The following UBE4B variants were observed in gnomAD, a reference collection of about 807,000 sequenced individuals.
UBE4B encodes ubiquitination factor E4B, also known as ubiquitin conjugation factor E4 B.
Under a neutral mutation model 148.1 loss-of-function variants are expected in UBE4B, and 27 were observed. The ratio of observed to expected loss-of-function variants is 0.18; its 90% CI spans 0.13 to 0.25. The LOEUF (loss-of-function observed/expected upper bound fraction) is 0.25, where lower values mean the gene tolerates loss of function less well. Ranked by LOEUF, UBE4B falls within the 10% of genes least tolerant of loss-of-function variation. The pLI, the probability that UBE4B is intolerant of heterozygous loss-of-function variation, is 1.00. For synonymous variants in UBE4B, 596 were observed against 619.3 expected (o/e 0.96, Z 0.56); for missense variants, 1,170 against 1,662.4 (o/e 0.70, Z 5.15).
chr1:10,118,504 A>T (rs559970027), intron 8 of UBE4B, among the ~76,000 whole-genome samples: 1 of 142,666 alleles, frequency 7.0e-6, no homozygotes, highest in South Asian at 2.2e-4. Context: ...CACCCAGCTA[A>T]TTTTTTTTTT....
At chr1:10,055,484 T>A (rs764104919) in intron 1 of UBE4B, among the ~76,000 whole-genome samples, 104 of 152,230 alleles carry the variant, frequency 6.8e-4, no homozygotes, top group African/African-American at 1.7e-3. Context: ...CCAGCTAATT[T>A]AAAAAATTTT....
At chr1:10,131,298 G>A (rs1645589102) in intron 14 of UBE4B, among the ~76,000 whole-genome samples, 1 of 152,014 alleles carries the variant, frequency 6.6e-6, no homozygotes, top group African/African-American at 2.4e-5. Flanking sequence ...CCAACATGAC[G>A]AAACCCCGTC....
intron 17 of UBE4B, among the ~76,000 whole-genome samples, chr1:10,138,134 G>A (rs1645724406): frequency 6.8e-6 from 1 of 147,256 alleles, no homozygotes; most frequent in Non-Finnish European, 1.5e-5. Context: ...GTCTCACTCT[G>A]TAGTCCAGGC....
chr1:10,159,542 G>A (rs757698933), intron 22 of UBE4B, among the ~76,000 whole-genome samples: 3 of 152,148 alleles, frequency 2.0e-5, no homozygotes, highest in Non-Finnish European at 4.4e-5. Context: ...GCATGGTGGT[G>A]GGCGCGGTGG....
At chr1:10,121,802 A>G (rs774596563) in intron 9 of UBE4B, among the ~76,000 whole-genome samples, 160 bp from the exon 10 acceptor site, 28 of 152,162 alleles carry the variant, frequency 1.8e-4, no homozygotes, top group Admixed American at 1.4e-3. Context: ...AGTGATTACT[A>G]TTGGTAAGAA....
At chr1:10,117,059 G>T (rs1006754260) in intron 7 of UBE4B, among the ~76,000 whole-genome samples, 2 of 152,188 alleles carry the variant, frequency 1.3e-5, no homozygotes, top group Admixed American at 1.3e-4. Context: ...TATTTTGTCA[G>T]TCCCTTATAA....
chr1:10,161,817 G>A lies in UBE4B; in HGVS notation c.3198+531G>A, dbSNP rs577687245. ...GCCAGTACCAGTGCTCTTTCCTGAC[G>A]TGCGTAGCAGCCACTGAGATACTTC... is the stretch of plus-strand genomic sequence containing the variant. On this transcript the variant is annotated intron_variant, in intron 23 of 27. Coordinates refer to ENST00000343090, the MANE Select transcript of UBE4B (RefSeq NM_001105562.3). The surrounding 1 kb of genome is among the most constrained non-coding windows in gnomAD (Gnocchi z 4.1). Among the ~76,000 whole-genome samples the A allele has an allele frequency of 2.6e-5, 4 of 152,218 alleles. No homozygotes were observed. The highest frequency in any genetic ancestry group is 5.9e-5 in the Non-Finnish European group (4 of 68,010).
At chr1:10,090,793 T>TG (rs1644835442) in intron 2 of UBE4B, among the ~76,000 whole-genome samples, 32 of 141,404 alleles carry the variant, frequency 2.3e-4, no homozygotes, top group African/African-American at 7.8e-4. Flanking sequence ...GCCTATGCAT[T>TG]TGTGTGTGTG....
intron 17 of UBE4B, among the ~76,000 whole-genome samples, chr1:10,138,016 C>G (rs920778238): frequency 9.5e-5 from 13 of 136,716 alleles, no homozygotes; most frequent in Non-Finnish European, 6.2e-5. Flanking sequence ...CTCGGTGCAA[C>G]CTCTGCCTCC....
intron 2 of UBE4B, among the ~76,000 whole-genome samples, chr1:10,093,273 TCTC>T (rs1174621518): frequency 3.3e-5 from 5 of 152,194 alleles, no homozygotes; most frequent in African/African-American, 9.7e-5. Flanking sequence ...AAAATAATAT[TCTC>T]CTAAGAACCT....
At chr1:10,150,540 G>T (rs1343427888) in intron 20 of UBE4B, among the ~76,000 whole-genome samples, 2 of 152,168 alleles carry the variant, frequency 1.3e-5, no homozygotes, top group Non-Finnish European at 2.9e-5. Flanking sequence ...ACCATGTTTG[G>T]TTTTAAATCT....
At chr1:10,153,709 G>A (rs1346694933) in intron 21 of UBE4B, among the ~76,000 whole-genome samples, 1 of 152,036 alleles carries the variant, frequency 6.6e-6, no homozygotes, top group Non-Finnish European at 1.5e-5. Context: ...CAGCATTTTG[G>A]AAGACTGAGG....
intron 2 of UBE4B, among the ~76,000 whole-genome samples, chr1:10,086,476 G>T (rs1644768699): frequency 6.6e-6 from 1 of 152,108 alleles, no homozygotes; most frequent in Non-Finnish European, 1.5e-5. Context: ...AATGAGGTAT[G>T]GGGGGACTCA....
intron 2 of UBE4B, among the ~76,000 whole-genome samples, chr1:10,073,831 T>A (rs1282212071): frequency 1.3e-5 from 2 of 151,984 alleles, no homozygotes; most frequent in Admixed American, 6.6e-5. Context: ...ACTCTGCTGA[T>A]CTGTTTCATA....
At chr1:10,114,079 GA>G (rs1175645933) in intron 7 of UBE4B, among the ~76,000 whole-genome samples, 14,022 of 111,756 alleles carry the variant, frequency 0.13, 710 homozygotes, top group African/African-American at 0.21. Flanking sequence ...AAAAAAAAAA[GA>G]AAAAAAAAAA....
intron 2 of UBE4B, among the ~76,000 whole-genome samples, chr1:10,082,526 A>G (rs1328028917): frequency 6.6e-6 from 1 of 151,848 alleles, no homozygotes; most frequent in East Asian, 1.9e-4. Flanking sequence ...CAAAACCACA[A>G]AATCTTTCAG....
intron 15 of UBE4B, among the ~76,000 whole-genome samples, chr1:10,134,277 G>A (rs1485371202): frequency 1.3e-5 from 2 of 152,040 alleles, no homozygotes; most frequent in Admixed American, 6.6e-5. Context: ...TTGGGAGGCC[G>A]AGACGGGCGT....
At chr1:10,142,543 T>C (rs556525249) in intron 17 of UBE4B, among the ~76,000 whole-genome samples, 31 of 151,622 alleles carry the variant, frequency 2.0e-4, no homozygotes, top group Admixed American at 9.2e-4. Context: ...TGGTAGTGCA[T>C]GCATGTAGTC....
chr1:10,179,462 T>C lies in UBE4B; in HGVS notation c.3747T>C (p.Ser1249=). The change falls in exon 27 of 28, where the codon TCT becomes TCC. Residue 1249 remains serine, a synonymous_variant. Coordinates refer to ENST00000343090, the MANE Select transcript of UBE4B (RefSeq NM_001105562.3). The stretch of plus-strand genomic sequence containing the variant: ...TGACAGACCCCGTGCGGCTGCCCTC[T>C]GGCACCATCATGGACCGCTCCATCA... ...TLMTDPVRLP[S]GTIMDRSIIL... is the part of the protein sequence containing the mutation. 1 of 1,614,064 alleles carries C rather than the reference T, an allele frequency of 6.2e-7. No homozygotes were observed. Among genetic ancestry groups the C allele is most frequent in the Non-Finnish European group, 8.5e-7 (1 of 1,180,028 alleles).
Sources: gnomAD v4.1 joint callset for allele counts (sites outside exome capture counted in the v4.1 genomes callset) on GRCh38, gnomAD v4.1.1 for gene constraint, Gnocchi (gnomAD v3.1) non-coding constraint, MANE v1.5 for transcripts, NCBI Gene and HGNC (gene_info 2026-07-23, HGNC 2026-07-21) for gene names.